Variants in PLCH1 observed in about 807,000 individuals in gnomAD.
PLCH1 encodes phospholipase C eta 1.
A neutral mutation model predicts 126.7 loss-of-function variants in PLCH1; 60 were observed. The observed-to-expected ratio is 0.47, with a 90% CI of 0.38 to 0.59. The LOEUF is 0.59. Among genes scored for constraint, PLCH1 ranks in the 20% least tolerant of loss-of-function variants. The pLI is 0.00. For synonymous variants in PLCH1, 719 were observed against 734.9 expected (o/e 0.98, Z 0.35); for missense variants, 1,723 against 2,040.0 (o/e 0.84, Z 2.99).
chr3:155,633,815 G>A (rs978209944), intron 2 of PLCH1, among the ~76,000 whole-genome samples: 1 of 152,112 alleles, frequency 6.6e-6, no homozygotes, highest in African/African-American at 2.4e-5. Flanking sequence ...AGCTACTCAG[G>A]AGGCTGAGGC....
chr3:155,690,408 A>G (rs1469309027), intron 2 of PLCH1, among the ~76,000 whole-genome samples: 2 of 152,242 alleles, frequency 1.3e-5, no homozygotes, highest in Admixed American at 6.5e-5. Context: ...GTTTGCAAAA[A>G]TTTCATAAGT....
intron 21 of PLCH1, among the ~76,000 whole-genome samples, chr3:155,473,662 C>T (rs1713388819): frequency 6.6e-6 from 1 of 151,970 alleles, no homozygotes. Context: ...ATCACACTCC[C>T]TGACTTCAAA....
intron 21 of PLCH1, among the ~76,000 whole-genome samples, chr3:155,455,197 G>C (rs367801812): frequency 5.3e-5 from 8 of 152,266 alleles, no homozygotes; most frequent in Non-Finnish European, 1.0e-4. Flanking sequence ...GGAAGGGAAG[G>C]GGGTGGTGAG....
intron 10 of PLCH1, among the ~76,000 whole-genome samples, chr3:155,532,939 A>AGAAGATAG (rs1722886176): frequency 6.6e-6 from 1 of 152,202 alleles, no homozygotes; most frequent in South Asian, 2.1e-4. Flanking sequence ...AGGGCTCAGA[A>AGAAGATAG]GAAGATAGGA....
chr3:155,708,567 G>A (rs1347329173), intron 1 of PLCH1, among the ~76,000 whole-genome samples: 3 of 152,300 alleles, frequency 2.0e-5, no homozygotes, highest in African/African-American at 7.2e-5. Flanking sequence ...CCGTTTGTGT[G>A]AACACAGTAG....
At chr3:155,570,837 G>T (rs897872636) in intron 6 of PLCH1, among the ~76,000 whole-genome samples, 9 of 152,056 alleles carry the variant, frequency 5.9e-5, no homozygotes, top group African/African-American at 2.2e-4. Context: ...AAACTGATAG[G>T]TGTTTTTAAT....
intron 8 of PLCH1, among the ~76,000 whole-genome samples, chr3:155,556,402 C>A (rs190357837): frequency 1.5e-4 from 23 of 152,110 alleles, no homozygotes; most frequent in African/African-American, 5.6e-4. Flanking sequence ...AGTTGTGAAC[C>A]ACATATGTTC....
chr3:155,700,841 G>T (rs985747318), intron 2 of PLCH1, among the ~76,000 whole-genome samples: 1 of 151,018 alleles, frequency 6.6e-6, no homozygotes, highest in Non-Finnish European at 1.5e-5. Flanking sequence ...AATCATGAAG[G>T]TATAAGCCAT....
chr3:155,486,017 C>A (rs1220632548), intron 21 of PLCH1: 2 of 648,140 alleles, frequency 3.1e-6, no homozygotes, highest in Non-Finnish European at 5.3e-6. Context: ...GAACTTCAGG[C>A]GCCTTAAAGC....
intron 2 of PLCH1, among the ~76,000 whole-genome samples, chr3:155,638,684 T>C (rs901879562): frequency 1.3e-5 from 2 of 152,258 alleles, no homozygotes; most frequent in African/African-American, 2.4e-5. Context: ...TCTTAGAGCC[T>C]CCAGCTTCCC....
At chr3:155,742,824 G>C (rs2109223861) in intron 1 of PLCH1, 1 of 154,388 alleles carries the variant, frequency 6.5e-6, no homozygotes, top group Non-Finnish European at 1.4e-5. Flanking sequence ...TTTGAAAAGT[G>C]GTATGTTTGA....
chr3:155,625,758 G>C (rs1018759386), intron 2 of PLCH1, among the ~76,000 whole-genome samples: 2 of 152,326 alleles, frequency 1.3e-5, no homozygotes, highest in East Asian at 3.9e-4. Context: ...TGGAGAAATA[G>C]GAATGCTTTT....
intron 1 of PLCH1, among the ~76,000 whole-genome samples, chr3:155,738,751 C>T (rs545863396): frequency 6.6e-6 from 1 of 150,824 alleles, no homozygotes; most frequent in South Asian, 2.1e-4. Context: ...CCCCCCACTG[C>T]ACTCCAGCCT....
intron 10 of PLCH1, among the ~76,000 whole-genome samples, chr3:155,548,983 A>T (rs931049558): frequency 3.9e-5 from 6 of 152,122 alleles, no homozygotes; most frequent in Non-Finnish European, 7.3e-5. Context: ...TTTTTCATAC[A>T]CACCTCTTTT....
At chr3:155,578,482 G>T (rs1577057422) in intron 6 of PLCH1, among the ~76,000 whole-genome samples, 1 of 152,104 alleles carries the variant, frequency 6.6e-6, no homozygotes, top group Non-Finnish European at 1.5e-5. Flanking sequence ...TTGGTTGCTG[G>T]CTACCAGCCC....
At chr3:155,460,331 T>A (rs1250863000) in intron 21 of PLCH1, among the ~76,000 whole-genome samples, 1 of 152,192 alleles carries the variant, frequency 6.6e-6, no homozygotes, top group Non-Finnish European at 1.5e-5. Flanking sequence ...ATTCTCACAG[T>A]TGGCACCAAT....
At chr3:155,662,297 A>C (rs67955071) in intron 2 of PLCH1, among the ~76,000 whole-genome samples, 27,103 of 151,642 alleles carry the variant, frequency 0.18, 2,816 homozygotes, top group East Asian at 0.44. Context: ...CACACACACA[A>C]AAAAAATATT....
At chr3:155,527,812 C>G (rs1422315602) in intron 10 of PLCH1, among the ~76,000 whole-genome samples, 2 of 150,674 alleles carry the variant, frequency 1.3e-5, no homozygotes, top group Non-Finnish European at 2.9e-5. Context: ...CCCAGCTACT[C>G]GGGAGGCTGA....
In PLCH1 at chr3:155,481,931, G is replaced by A; in HGVS notation, c.4095C>T (p.Thr1365=). ...DGESENLSLT[T]CEYRREGTSQ... ...TTGTGCCCTCTCTCCTATATTCACA[G>A]GTTGTTAGAGAAAGATTTTCTGATT... Residue 1365 remains threonine, a synonymous_variant, in exon 23 of 23, where the codon ACC becomes ACT. Transcript: ENST00000460012. This position sits in a 1 kb window ranked among gnomAD's most constrained non-coding sequence, Gnocchi z 4.2. The A allele has an allele frequency of 1.2e-6, 2 of 1,614,184 alleles. No homozygotes were observed. Among genetic ancestry groups the A allele is most frequent in the Admixed American group, 1.7e-5 (1 of 60,026 alleles).
Sources: allele counts gnomAD v4.1 joint callset (sites outside exome capture counted in the v4.1 genomes callset), GRCh38; gene constraint gnomAD v4.1.1; non-coding constraint Gnocchi (gnomAD v3.1); transcripts MANE v1.5; gene names NCBI Gene and HGNC (gene_info 2026-07-23, HGNC 2026-07-21).